The following AGAP1 variants were observed in gnomAD, a reference collection of about 807,000 sequenced individuals.
The protein encoded by AGAP1 is ArfGAP with GTPase domain, ankyrin repeat and PH domain 1.
AGAP1 carries 29 observed loss-of-function variants against 105.3 expected under a neutral mutation model. The observed-to-expected ratio is 0.28, with a 90% CI of 0.21 to 0.38. AGAP1 has a LOEUF of 0.38. Among genes scored for constraint, AGAP1 ranks in the 10% least tolerant of loss-of-function variants. AGAP1 has a pLI of 1.00. For synonymous variants in AGAP1, 509 were observed against 485.9 expected (o/e 1.05, Z -0.63); for missense variants, 998 against 1,165.1 (o/e 0.86, Z 2.09).
At chr2:235,925,219 G>C (rs565403664) in intron 11 of AGAP1, among the ~76,000 whole-genome samples, 1 of 152,116 alleles carries the variant, frequency 6.6e-6, no homozygotes, top group African/African-American at 2.4e-5. Flanking sequence ...GACTCACCTC[G>C]TCTACTCCAG....
Position 235,599,642 on chromosome 2 carries a change from C to T in AGAP1, c.163+104793C>T, listed in dbSNP as rs998557399. 1.3e-5 allele frequency among the ~76,000 whole-genome samples: 2 copies of T among 152,168 alleles called. No individual in the cohort carries two copies. The highest frequency in any genetic ancestry group is 2.9e-5 in the Non-Finnish European group (2 of 68,024). On this transcript the variant is annotated intron_variant, in intron 1 of 17. Transcript: ENST00000304032. This position sits in a 1 kb window ranked among gnomAD's most constrained non-coding sequence, Gnocchi z 5.3. ...GCTCCGGAAGTTCCTGGGAGTGGCT[C>T]GTAGAGCCTGTTTTCATCCTTCAGA...
chr2:235,510,132 A>G (rs957461131), intron 1 of AGAP1, among the ~76,000 whole-genome samples: 1 of 152,220 alleles, frequency 6.6e-6, no homozygotes, highest in Non-Finnish European at 1.5e-5. Context: ...TGAGTTGTAG[A>G]ATTTTTTTCA....
chr2:235,935,964 G>C (rs1041613838), intron 12 of AGAP1, among the ~76,000 whole-genome samples: 2 of 152,138 alleles, frequency 1.3e-5, no homozygotes, highest in Non-Finnish European at 2.9e-5. Context: ...TGAGTACCTG[G>C]GTGAGCCTGG....
chr2:235,677,563 G>A (rs781711905), intron 1 of AGAP1, among the ~76,000 whole-genome samples: 1 of 151,990 alleles, frequency 6.6e-6, no homozygotes, highest in Non-Finnish European at 1.5e-5. Flanking sequence ...GTTGTGTGCC[G>A]GGTGTTGTGG....
rs1428947066 is a variant in AGAP1 at position 236,062,817 on chromosome 2, T to C, written c.2114+13536T>C. Among the ~76,000 whole-genome samples the C allele has an allele frequency of 6.6e-6, 1 of 151,472 alleles. No individual in the cohort carries two copies. The highest frequency in any genetic ancestry group is 1.5e-5 in the Non-Finnish European group (1 of 67,852). On this transcript the variant is annotated intron_variant, in intron 16 of 17. Transcript: ENST00000304032. This position sits in a 1 kb window ranked among gnomAD's most constrained non-coding sequence, Gnocchi z 4.2. ...GCTGGGATTACAGGCTCCCGCCACC[T>C]TACCCAGCTAATGTTTGTATTTTTA...
chr2:235,804,703 C>T (rs1378742716), intron 8 of AGAP1, among the ~76,000 whole-genome samples: 1 of 152,230 alleles, frequency 6.6e-6, no homozygotes, highest in Admixed American at 6.5e-5. Context: ...TTACCTTAAC[C>T]TTTCTTTCCT....
intron 11 of AGAP1, among the ~76,000 whole-genome samples, chr2:235,920,863 G>A (rs1373977903): frequency 6.6e-6 from 1 of 152,130 alleles, no homozygotes; most frequent in African/African-American, 2.4e-5. Flanking sequence ...ATCTGCAGAG[G>A]TTTTACAGTT....
intron 13 of AGAP1, among the ~76,000 whole-genome samples, chr2:236,018,422 C>T (rs927765794): frequency 6.6e-6 from 1 of 152,194 alleles, no homozygotes; most frequent in African/African-American, 2.4e-5. Flanking sequence ...GGGAGGGAGG[C>T]CTCTTCGCTG....
intron 1 of AGAP1, among the ~76,000 whole-genome samples, chr2:235,638,083 G>A (rs1947067352): frequency 6.6e-6 from 1 of 152,136 alleles, no homozygotes; most frequent in African/African-American, 2.4e-5. Context: ...GGCTGTTGGG[G>A]CGTTCCTTGG....
At chr2:235,898,025 G>A (rs758213301) in intron 10 of AGAP1, among the ~76,000 whole-genome samples, 49 of 152,242 alleles carry the variant, frequency 3.2e-4, no homozygotes, top group Non-Finnish European at 6.2e-4. Context: ...CAGCCCCCTC[G>A]ATGGCTGGGA....
intron 16 of AGAP1, among the ~76,000 whole-genome samples, chr2:236,103,210 T>G (rs1004044161): frequency 1.3e-5 from 2 of 152,062 alleles, no homozygotes; most frequent in Non-Finnish European, 1.5e-5. Context: ...CGGCCTCACC[T>G]CCGCCCACTG....
At chr2:236,052,495 C>T (rs1380394763) in intron 16 of AGAP1, among the ~76,000 whole-genome samples, 1 of 152,170 alleles carries the variant, frequency 6.6e-6, no homozygotes, top group Non-Finnish European at 1.5e-5. Flanking sequence ...AGGGCAGCTT[C>T]GGACGGCTTA....
intron 9 of AGAP1, among the ~76,000 whole-genome samples, chr2:235,825,951 C>T (rs2106315096): frequency 6.6e-6 from 1 of 151,898 alleles, no homozygotes; most frequent in South Asian, 2.1e-4. Flanking sequence ...ATGCCTGTAT[C>T]AAAACATCTC....
In AGAP1 at chr2:235,750,396, G is replaced by A. The variant is rs1311978617; in HGVS notation, c.581G>A (p.Arg194Lys). Residue 194 changes from arginine (R) to lysine (K), a missense_variant, in exon 6 of 18, where the codon AGG becomes AAG. By Grantham distance (26) the Arg-to-Lys change is conservative. This residue lies in a region of AGAP1 where 735 missense variants were observed against 833.4 expected (regional missense o/e 0.88). Transcript: ENST00000304032. This position sits in a 1 kb window ranked among gnomAD's most constrained non-coding sequence, Gnocchi z 5.3. ...SANPRVIDDARARKLSNDLKR... is the reference protein window; with the variant it reads ...SANPRVIDDAKARKLSNDLKR... ...AACCCGAGGGTCATCGATGACGCCA[G>A]GGCGAGGAAGCTCTCCAACGACCTG... 6 of 1,614,202 alleles carry A rather than the reference G, an allele frequency of 3.7e-6. No homozygotes were observed. The South Asian group carries it at 6.6e-5, about 18-fold the overall frequency.
At chr2:236,122,260 T>C (rs1030189325) in intron 17 of AGAP1, among the ~76,000 whole-genome samples, 8 of 152,102 alleles carry the variant, frequency 5.3e-5, no homozygotes, top group African/African-American at 1.4e-4. Flanking sequence ...CTTTTCCTCT[T>C]CTCATATAGA....
At chr2:235,947,495 C>T (rs1271864753) in intron 12 of AGAP1, among the ~76,000 whole-genome samples, 1 of 152,186 alleles carries the variant, frequency 6.6e-6, no homozygotes, top group East Asian at 1.9e-4. Context: ...GGCATTTGGG[C>T]TGGTTCCGTA....
At position 235,716,927 on chromosome 2, in the gene AGAP1, C is replaced by T. The variant is rs984732431; in HGVS notation, c.223-630C>T. On this transcript the variant is annotated intron_variant, in intron 2 of 17. Coordinates refer to ENST00000304032, the MANE Select transcript of AGAP1 (RefSeq NM_001037131.3). The surrounding 1 kb of genome is among the most constrained non-coding windows in gnomAD (Gnocchi z 4.0). ...AATCCAGCACAAACGAGCACCTTTG[C>T]CGTCTCTCCCAGCAGCCCTGGCACT... Among the ~76,000 whole-genome samples, 1 of 152,054 alleles carries T rather than the reference C, an allele frequency of 6.6e-6. No homozygotes were observed. Among genetic ancestry groups the T allele is most frequent in the Non-Finnish European group, 1.5e-5 (1 of 68,004 alleles).
At chr2:235,762,181 C>T (rs183563678) in intron 6 of AGAP1, among the ~76,000 whole-genome samples, 1 of 151,718 alleles carries the variant, frequency 6.6e-6, no homozygotes, top group Non-Finnish European at 1.5e-5. Flanking sequence ...AAGTAAACTT[C>T]ACTCATCGAG....
rs1310279452 is a variant in AGAP1, at chr2:235,609,356, A to G, written c.164-99823A>G. On this transcript the variant is annotated intron_variant, in intron 1 of 17. Transcript: ENST00000304032. This position sits in a 1 kb window ranked among gnomAD's most constrained non-coding sequence, Gnocchi z 5.1. Reference sequence around the variant, plus strand: ...TAAAATGGCCAGAGGACATGGGGACATGGGGCAGGGAGAGCTTCAGAATGA... The same window carrying G: ...TAAAATGGCCAGAGGACATGGGGACGTGGGGCAGGGAGAGCTTCAGAATGA... Among the ~76,000 whole-genome samples, 1 of 152,186 alleles carries G rather than the reference A, an allele frequency of 6.6e-6. No individual in the cohort carries two copies. Among genetic ancestry groups the G allele is most frequent in the East Asian group, 1.9e-4 (1 of 5,182 alleles).
Sources: gnomAD v4.1 joint callset for allele counts (sites outside exome capture counted in the v4.1 genomes callset) on GRCh38, gnomAD v4.1.1 for gene constraint, gnomAD v4.1.1 regional missense constraint, Gnocchi (gnomAD v3.1) non-coding constraint, MANE v1.5 for transcripts, NCBI Gene and HGNC (gene_info 2026-07-23, HGNC 2026-07-21) for gene names.